The following LPGAT1 variants were observed in gnomAD, a reference collection of about 807,000 sequenced individuals.
LPGAT1 encodes the protein lysophosphatidylglycerol acyltransferase 1.
LPGAT1 carries 11 observed loss-of-function variants against 47.5 expected under a neutral mutation model. That is an observed-to-expected ratio of 0.23 (90% confidence interval 0.15 to 0.38). The LOEUF is 0.38. LPGAT1 is among the 10% of genes least tolerant of loss of function. LPGAT1 has a pLI of 1.00. For synonymous variants in LPGAT1, 138 were observed against 144.2 expected (o/e 0.96, Z 0.31); for missense variants, 293 against 439.0 (o/e 0.67, Z 2.97).
At chr1:211,774,357 C>T (rs1232358122) in intron 6 of LPGAT1, among the ~76,000 whole-genome samples, 1 of 151,910 alleles carries the variant, frequency 6.6e-6, no homozygotes, top group Non-Finnish European at 1.5e-5. Context: ...CTCAAGTGAT[C>T]TGCCCATCTC....
chr1:211,801,820 CT>C (rs1430678623), intron 2 of LPGAT1, among the ~76,000 whole-genome samples: 2 of 151,704 alleles, frequency 1.3e-5, no homozygotes, highest in African/African-American at 4.8e-5. Flanking sequence ...TGGCTCACTC[CT>C]GTAATCCCAG....
chr1:211,805,080 C>G (rs1277072346), intron 2 of LPGAT1, among the ~76,000 whole-genome samples: 1 of 147,822 alleles, frequency 6.8e-6, no homozygotes, highest in Non-Finnish European at 1.5e-5. Context: ...AAACAAAATA[C>G]CAAAGTCAAA....
intron 6 of LPGAT1, among the ~76,000 whole-genome samples, chr1:211,764,437 G>A (rs1247655291): frequency 6.6e-6 from 1 of 152,110 alleles, no homozygotes; most frequent in Admixed American, 6.6e-5. Context: ...AATGTTCATG[G>A]ACACTACCAG....
At chr1:211,765,523 A>G (rs1411468977) in intron 6 of LPGAT1, among the ~76,000 whole-genome samples, 2 of 152,220 alleles carry the variant, frequency 1.3e-5, no homozygotes, top group Non-Finnish European at 2.9e-5. Flanking sequence ...ATTTCCAACA[A>G]AACTATATTA....
chr1:211,784,850 C>A (rs1284883487), intron 4 of LPGAT1, among the ~76,000 whole-genome samples: 3 of 147,150 alleles, frequency 2.0e-5, no homozygotes, highest in African/African-American at 7.6e-5. Flanking sequence ...GTTGCCCAGG[C>A]TGGAGTGCAG....
Position 211,750,050 on chromosome 1 carries a change from C to T in LPGAT1, c.962G>A (p.Gly321Glu). Residue 321 changes from glycine (G) to glutamate (E), a missense_variant and splice_region_variant, in exon 8 of 8, where the codon GGA (glycine) becomes GAA (glutamate). Gly to Glu is a moderately conservative substitution (Grantham distance 98). Coordinates refer to ENST00000366997, the MANE Select transcript of LPGAT1 (RefSeq NM_014873.3). ...ATGGCCCTTGGAAGGTGGAAAAGCT[C>T]CTAAAAGACAAGATAGAAATATTAG... ...EDLLSHFYET[G>E]AFPPSKGHKE... 6.2e-7 allele frequency: 1 copy of T among 1,609,982 alleles called. No individual in the cohort carries two copies.
chr1:211,801,082 TCTCA>T (rs1659554740), intron 2 of LPGAT1, among the ~76,000 whole-genome samples: 1 of 152,154 alleles, frequency 6.6e-6, no homozygotes, highest in Non-Finnish European at 1.5e-5. Context: ...CATTTTAATC[TCTCA>T]CTCTTAAAAC....
At chr1:211,757,297 C>A (rs1158861512) in intron 6 of LPGAT1, among the ~76,000 whole-genome samples, 1 of 151,336 alleles carries the variant, frequency 6.6e-6, no homozygotes, top group Non-Finnish European at 1.5e-5. Flanking sequence ...GGGGTTGAAT[C>A]CTGACTCTAC....
intron 6 of LPGAT1, among the ~76,000 whole-genome samples, chr1:211,762,071 T>C (rs1657721496): frequency 6.6e-6 from 1 of 152,244 alleles, no homozygotes; most frequent in South Asian, 2.1e-4. Flanking sequence ...AATTACTTTA[T>C]AAGATTAATT....
chr1:211,784,889 T>A (rs376567075), intron 4 of LPGAT1, among the ~76,000 whole-genome samples: 1 of 151,094 alleles, frequency 6.6e-6, no homozygotes, highest in Non-Finnish European at 1.5e-5. Context: ...CTGCAAGCTC[T>A]GCCTCCCGGG....
At chr1:211,768,088 C>T (rs1412421829) in intron 6 of LPGAT1, among the ~76,000 whole-genome samples, 1 of 152,100 alleles carries the variant, frequency 6.6e-6, no homozygotes, top group African/African-American at 2.4e-5. Context: ...ATTAAAATCT[C>T]TTAAAGCTCA....
At chr1:211,795,222 G>A (rs1262234276) in intron 2 of LPGAT1, among the ~76,000 whole-genome samples, 1 of 152,172 alleles carries the variant, frequency 6.6e-6, no homozygotes, top group African/African-American at 2.4e-5. Flanking sequence ...ATTTTTAAGG[G>A]AGACTACCTA....
At chr1:211,788,053 T>C (rs1658958406) in intron 3 of LPGAT1, among the ~76,000 whole-genome samples, 1 of 152,104 alleles carries the variant, frequency 6.6e-6, no homozygotes, top group South Asian at 2.1e-4. Context: ...CTTATATAAC[T>C]TACAAAATTA....
At chr1:211,753,418 C>A (rs1309162901) in intron 6 of LPGAT1, among the ~76,000 whole-genome samples, 1 of 152,072 alleles carries the variant, frequency 6.6e-6, no homozygotes, top group Non-Finnish European at 1.5e-5. Context: ...TATTTAACTT[C>A]TAAATGTTTT....
chr1:211,798,492 CT>C (rs1307183112), intron 2 of LPGAT1, among the ~76,000 whole-genome samples: 3 of 152,034 alleles, frequency 2.0e-5, no homozygotes, highest in Non-Finnish European at 4.4e-5. Flanking sequence ...CAGGACCAGT[CT>C]GGGCAACAAA....
intron 2 of LPGAT1, among the ~76,000 whole-genome samples, chr1:211,797,399 T>G (rs1243861474): frequency 6.7e-6 from 1 of 149,920 alleles, no homozygotes; most frequent in Non-Finnish European, 1.5e-5. Flanking sequence ...ATGACATGCA[T>G]GAGCCACCAC....
chr1:211,806,323 C>G (rs888095330), intron 2 of LPGAT1, among the ~76,000 whole-genome samples: 3 of 149,270 alleles, frequency 2.0e-5, no homozygotes, highest in Non-Finnish European at 4.5e-5. Context: ...AAGAAGAAAA[C>G]CTTCCACAGC....
intron 2 of LPGAT1, among the ~76,000 whole-genome samples, chr1:211,817,765 G>A (rs567299532): frequency 5.3e-5 from 8 of 151,976 alleles, no homozygotes; most frequent in South Asian, 2.1e-4. Context: ...TCATTTTTTC[G>A]TTCCTATTAA....
At chr1:211,788,694 A>G (rs968418493) in intron 3 of LPGAT1, among the ~76,000 whole-genome samples, 1 of 152,098 alleles carries the variant, frequency 6.6e-6, no homozygotes, top group Non-Finnish European at 1.5e-5. Flanking sequence ...AAAAAAAAAA[A>G]AAATTAAAAG....
Sources: gnomAD v4.1 joint callset for allele counts (sites outside exome capture counted in the v4.1 genomes callset) on GRCh38, gnomAD v4.1.1 for gene constraint, MANE v1.5 for transcripts, NCBI Gene and HGNC (gene_info 2026-07-23, HGNC 2026-07-21) for gene names.